PALM2AKAP2: variants seen among roughly 807,000 people sequenced by gnomAD.
The protein encoded by PALM2AKAP2 is PALM2-AKAP2 fusion protein.
Under a neutral mutation model 71.5 loss-of-function variants are expected in PALM2AKAP2, and 37 were observed. The observed-to-expected ratio is 0.52, with a 90% CI of 0.40 to 0.68. PALM2AKAP2 has a LOEUF of 0.68. Among genes scored for constraint, PALM2AKAP2 ranks in the 30% least tolerant of loss-of-function variants. PALM2AKAP2 has a pLI of 0.00. For synonymous variants in PALM2AKAP2, 468 were observed against 478.8 expected (o/e 0.98, Z 0.29); for missense variants, 1,224 against 1,191.8 (o/e 1.03, Z -0.40).
At chr9:109,752,627 C>T (rs1828901497) in intron 1 of PALM2AKAP2, among the ~76,000 whole-genome samples, 1 of 152,056 alleles carries the variant, frequency 6.6e-6, no homozygotes, top group South Asian at 2.1e-4. Context: ...GAATGATGAC[C>T]TTGAATCTGG....
intron 1 of PALM2AKAP2, among the ~76,000 whole-genome samples, chr9:110,069,849 T>G (rs1834166446): frequency 6.6e-6 from 1 of 152,242 alleles, no homozygotes; most frequent in Non-Finnish European, 1.5e-5. Flanking sequence ...TCAGCAGTGA[T>G]GCAAACATGA....
chr9:110,032,308 T>C (rs550424001), intron 7 of PALM2AKAP2, among the ~76,000 whole-genome samples: 3 of 152,090 alleles, frequency 2.0e-5, no homozygotes, highest in Non-Finnish European at 2.9e-5. Flanking sequence ...CCTATGATTG[T>C]AGCACTTTGG....
intron 1 of PALM2AKAP2, among the ~76,000 whole-genome samples, chr9:109,758,338 T>TCTGTA (rs1828998282): frequency 6.6e-6 from 1 of 152,218 alleles, no homozygotes; most frequent in East Asian, 1.9e-4. Context: ...ATTTTGAGCA[T>TCTGTA]GGGTCATCTG....
chr9:110,064,068 C>T (rs559163467), intron 1 of PALM2AKAP2, among the ~76,000 whole-genome samples: 1 of 152,242 alleles, frequency 6.6e-6, no homozygotes, highest in East Asian at 1.9e-4. Flanking sequence ...GTGAAACACC[C>T]AGGGGTGGAG....
chr9:109,949,496 T>C (rs1411497798), intron 6 of PALM2AKAP2, among the ~76,000 whole-genome samples: 2 of 152,210 alleles, frequency 1.3e-5, no homozygotes. Context: ...AATAGTATTT[T>C]TATAATGAAA....
exon 2 of PALM2AKAP2, chr9:110,137,089 A>ACAGCAGCAG: frequency 1.3e-6 from 2 of 1,584,282 alleles, no homozygotes; most frequent in South Asian, 1.1e-5. Context: ...AGAAGCAGTT[A>ACAGCAGCAG]CAGCAGCAGC....
At chr9:110,000,412 T>C (rs1471494075) in intron 6 of PALM2AKAP2, among the ~76,000 whole-genome samples, 2 of 152,228 alleles carry the variant, frequency 1.3e-5, no homozygotes, top group African/African-American at 4.8e-5. Context: ...CAGTCTATCA[T>C]TGTTCGACAT....
chr9:109,650,588 T>A (rs1009313465), intron 1 of PALM2AKAP2, among the ~76,000 whole-genome samples: 2 of 152,136 alleles, frequency 1.3e-5, no homozygotes, highest in African/African-American at 4.8e-5. Flanking sequence ...GGCTAATTTT[T>A]AAATTATTTT....
At position 109,659,611 on chromosome 9, in the gene PALM2AKAP2, C is replaced by A. The variant is rs190782422; in HGVS notation, c.5+18745C>A. Among the ~76,000 whole-genome samples, 254 of 152,156 alleles carry A rather than the reference C, an allele frequency of 1.7e-3. 3 individuals are homozygous for A. Among genetic ancestry groups the A allele is most frequent in the Non-Finnish European group, 3.2e-4 (22 of 68,014 alleles). On this transcript the variant is annotated intron_variant, in intron 1 of 6. Transcript: ENST00000374531. ...TATCAGTATTCCAGGTCTTTTATTGCTGAGTAATATTTCAATGTATAGTAG... is the reference window on the plus strand; with the variant it reads ...TATCAGTATTCCAGGTCTTTTATTGATGAGTAATATTTCAATGTATAGTAG...
chr9:109,786,221 G>T (rs1409185157), intron 1 of PALM2AKAP2, among the ~76,000 whole-genome samples: 1 of 152,212 alleles, frequency 6.6e-6, no homozygotes, highest in Non-Finnish European at 1.5e-5. Context: ...CCCTGCTTTT[G>T]GTCCAGGCCT....
intron 1 of PALM2AKAP2, among the ~76,000 whole-genome samples, chr9:109,675,601 C>G (rs1827636243): frequency 6.6e-6 from 1 of 152,128 alleles, no homozygotes; most frequent in South Asian, 2.1e-4. Context: ...TTAGCAGAAT[C>G]CTGCCTATTA....
intron 1 of PALM2AKAP2, among the ~76,000 whole-genome samples, chr9:109,751,673 G>A (rs1274083674): frequency 6.6e-6 from 1 of 152,150 alleles, no homozygotes; most frequent in Non-Finnish European, 1.5e-5. Context: ...TAAAGAAGTT[G>A]AGTCAGTTCA....
intron 6 of PALM2AKAP2, among the ~76,000 whole-genome samples, chr9:109,955,578 C>T (rs1182705874): frequency 6.6e-6 from 1 of 152,178 alleles, no homozygotes; most frequent in African/African-American, 2.4e-5. Flanking sequence ...CCTTCCTAAT[C>T]CTTAGTCTTT....
chr9:109,642,035 T>G (rs2132224789), intron 1 of PALM2AKAP2, among the ~76,000 whole-genome samples: 2 of 152,300 alleles, frequency 1.3e-5, no homozygotes, highest in East Asian at 3.9e-4. Flanking sequence ...GAGCCTCAGT[T>G]TCCCTATCTC....
chr9:109,743,602 A>G (rs1335571054), intron 1 of PALM2AKAP2, among the ~76,000 whole-genome samples: 1 of 152,214 alleles, frequency 6.6e-6, no homozygotes, highest in African/African-American at 2.4e-5. Flanking sequence ...GAATCAGTGA[A>G]AAAATTGTTG....
chr9:109,865,483 C>T (rs1829425314), intron 1 of PALM2AKAP2, among the ~76,000 whole-genome samples: 1 of 152,076 alleles, frequency 6.6e-6, no homozygotes, highest in African/African-American at 2.4e-5. Flanking sequence ...ACCAATGAGC[C>T]TGCTGCTTGA....
chr9:110,119,693 T>C (rs1835443722), intron 1 of PALM2AKAP2, among the ~76,000 whole-genome samples: 1 of 152,248 alleles, frequency 6.6e-6, no homozygotes, highest in Non-Finnish European at 1.5e-5. Flanking sequence ...TCTGTATGTC[T>C]AAGAATAGTT....
intron 3 of PALM2AKAP2, among the ~76,000 whole-genome samples, chr9:109,886,413 G>GT (rs1288982303): frequency 1.3e-5 from 2 of 152,268 alleles, no homozygotes; most frequent in African/African-American, 4.8e-5. Flanking sequence ...ATTTCACTGG[G>GT]TTTTACTAAA....
chr9:109,806,091 T>C (rs1827564319), intron 1 of PALM2AKAP2, among the ~76,000 whole-genome samples: 1 of 152,264 alleles, frequency 6.6e-6, no homozygotes, highest in Admixed American at 6.5e-5. Context: ...ATGACTTTAT[T>C]ATTTTTCCTG....
Sources: allele counts gnomAD v4.1 joint callset (sites outside exome capture counted in the v4.1 genomes callset), GRCh38; gene constraint gnomAD v4.1.1; transcripts MANE v1.5; gene names NCBI Gene and HGNC (gene_info 2026-07-23, HGNC 2026-07-21).